Variants in TSHZ2 observed in about 807,000 individuals in gnomAD.
The protein encoded by TSHZ2 is teashirt homolog 2.
In TSHZ2, 21 loss-of-function variants were observed where a neutral mutation model predicts 74.4. The observed-to-expected ratio is 0.28, with a 90% CI of 0.20 to 0.41. The LOEUF (loss-of-function observed/expected upper bound fraction) is 0.41. Among genes scored for constraint, TSHZ2 ranks in the 10% least tolerant of loss-of-function variants. TSHZ2 has a pLI of 1.00. For missense variants in TSHZ2, 1,244 were observed against 1,293.5 expected, an observed-to-expected ratio of 0.96 and a Z score of 0.59; for synonymous variants, 540 against 515.3, an observed-to-expected ratio of 1.05 and a Z score of -0.65.
chr20:53,000,801 T>C (rs975049037), intron 1 of TSHZ2, among the ~76,000 whole-genome samples: 1 of 152,200 alleles, frequency 6.6e-6, no homozygotes, highest in African/African-American at 2.4e-5. Context: ...TTTTCAGGAC[T>C]TTTTGATCTC....
intron 1 of TSHZ2, among the ~76,000 whole-genome samples, chr20:53,132,107 T>C (rs932385912): frequency 2.0e-5 from 3 of 152,060 alleles, no homozygotes; most frequent in Non-Finnish European, 4.4e-5. Flanking sequence ...GAAAATGTAA[T>C]GATCAATCTG....
intron 1 of TSHZ2, among the ~76,000 whole-genome samples, chr20:52,974,229 C>T (rs1384860173): frequency 1.3e-5 from 2 of 151,994 alleles, no homozygotes; most frequent in Non-Finnish European, 2.9e-5. Flanking sequence ...TCTGCCAGAC[C>T]CACCCACTGA....
intron 1 of TSHZ2, among the ~76,000 whole-genome samples, chr20:53,055,141 T>C (rs1230912177): frequency 3.9e-5 from 6 of 152,188 alleles, no homozygotes; most frequent in African/African-American, 1.4e-4. Flanking sequence ...AAAAAGCAAA[T>C]GAACAGGTCT....
intron 1 of TSHZ2, among the ~76,000 whole-genome samples, chr20:53,047,906 A>T (rs1264632147): frequency 1.3e-5 from 2 of 152,142 alleles, no homozygotes; most frequent in African/African-American, 4.8e-5. Context: ...GACTCTGAAA[A>T]CAGCCCTGCA....
intron 2 of TSHZ2, among the ~76,000 whole-genome samples, chr20:53,483,764 A>G (rs529140749): frequency 3.9e-5 from 6 of 152,168 alleles, no homozygotes; most frequent in Admixed American, 1.3e-4. Flanking sequence ...GTGAATTTCC[A>G]AGACAGGAAC....
chr20:53,098,439 T>A (rs1463982388), intron 1 of TSHZ2, among the ~76,000 whole-genome samples: 1 of 152,242 alleles, frequency 6.6e-6, no homozygotes, highest in Non-Finnish European at 1.5e-5. Flanking sequence ...TTATTCATTA[T>A]TCAACTCATT....
intron 1 of TSHZ2, among the ~76,000 whole-genome samples, chr20:53,203,656 G>A (rs905793146): frequency 6.6e-6 from 1 of 152,156 alleles, no homozygotes; most frequent in South Asian, 2.1e-4. Context: ...CCAGCCAAGG[G>A]TGCCAGGTGG....
chr20:53,375,846 G>A (rs1981639076), intron 2 of TSHZ2, among the ~76,000 whole-genome samples: 1 of 152,218 alleles, frequency 6.6e-6, no homozygotes, highest in Non-Finnish European at 1.5e-5. Flanking sequence ...TTTGAAAACA[G>A]TAGTTCTGGG....
intron 2 of TSHZ2, among the ~76,000 whole-genome samples, chr20:53,330,690 A>G (rs1461051763): frequency 1.3e-5 from 2 of 152,176 alleles, no homozygotes; most frequent in Admixed American, 6.5e-5. Flanking sequence ...AAAAAAGAAA[A>G]AGAAAGACAG....
At chr20:53,154,289 CA>C (rs997663741) in intron 1 of TSHZ2, among the ~76,000 whole-genome samples, 14 of 150,276 alleles carry the variant, frequency 9.3e-5, no homozygotes, top group African/African-American at 2.9e-4. Context: ...CCTAAGTGAC[CA>C]AAAAAAATTT....
rs1018975270 is a variant in TSHZ2, at chr20:52,980,025, C to T, written c.40+6692C>T. ...AATTTCAATATCCTCCTACCTGCTA[C>T]CCCAGCCTGAAGCAGGGACTAATGA... On this transcript the variant is annotated intron_variant, in intron 1 of 2. Coordinates refer to ENST00000371497, the MANE Select transcript of TSHZ2 (RefSeq NM_173485.6). Among the ~76,000 whole-genome samples the T allele has an allele frequency of 7.9e-5, 12 of 152,326 alleles. No homozygotes were observed. In the East Asian group the frequency reaches 2.3e-3, roughly 29 times the overall value.
intron 1 of TSHZ2, among the ~76,000 whole-genome samples, chr20:53,042,600 C>T (rs913245073): frequency 1.3e-5 from 2 of 151,454 alleles, no homozygotes; most frequent in African/African-American, 2.4e-5. Flanking sequence ...ACTCAAATTT[C>T]GAGTTCTTTC....
intron 1 of TSHZ2, among the ~76,000 whole-genome samples, chr20:53,094,912 C>T (rs899129891): frequency 6.6e-6 from 1 of 152,184 alleles, no homozygotes; most frequent in Non-Finnish European, 1.5e-5. Flanking sequence ...ATGAAATCTC[C>T]TGTAAATAAT....
In TSHZ2 at chr20:53,256,352, G is replaced by T. The variant is rs1302861198; in HGVS notation, c.2894G>T (p.Ser965Ile). ...ACCCGCTTGTCAGTGGACCAGCAAA[G>T]CAAGGTGGAGCAAGAGATCTCCCGG... ...DMTRLSVDQQ[S>I]KVEQEISRVS... is the part of the protein sequence containing the mutation. The change falls in exon 2 of 3, where the codon AGC becomes ATC. Residue 965 changes from serine (S) to isoleucine (I), a missense_variant. Ser to Ile is a moderately radical substitution (Grantham distance 142, BLOSUM62 -2). Coordinates refer to ENST00000371497, the MANE Select transcript of TSHZ2 (RefSeq NM_173485.6). This position sits in a 1 kb window ranked among gnomAD's most constrained non-coding sequence, Gnocchi z 4.3. The T allele has an allele frequency of 2.5e-6, 4 of 1,613,338 alleles. No individual in the cohort carries two copies. The highest frequency in any genetic ancestry group is 1.3e-5 in the African/African-American group (1 of 74,902).
intron 2 of TSHZ2, among the ~76,000 whole-genome samples, chr20:53,403,654 G>T (rs1982749254): frequency 1.3e-5 from 2 of 152,220 alleles, no homozygotes; most frequent in African/African-American, 4.8e-5. Context: ...TGCCAATGTG[G>T]CTGCTCACAC....
chr20:53,393,330 A>C (rs1379580048), intron 2 of TSHZ2, among the ~76,000 whole-genome samples: 4 of 152,192 alleles, frequency 2.6e-5, no homozygotes, highest in Non-Finnish European at 5.9e-5. Flanking sequence ...CCAACATAAA[A>C]TTATTAAAAG....
intron 1 of TSHZ2, among the ~76,000 whole-genome samples, chr20:53,095,012 T>C (rs1334230783): frequency 3.3e-5 from 5 of 152,158 alleles, no homozygotes; most frequent in African/African-American, 1.2e-4. Context: ...GTGAAAGGTG[T>C]ATAAGGTAAG....
intron 1 of TSHZ2, among the ~76,000 whole-genome samples, chr20:53,109,843 T>C (rs1334181530): frequency 6.6e-6 from 1 of 152,164 alleles, no homozygotes. Flanking sequence ...CTTCCTCCAA[T>C]GACCCAGTAA....
At chr20:53,472,388 G>T (rs1031682811) in intron 2 of TSHZ2, among the ~76,000 whole-genome samples, 2 of 152,142 alleles carry the variant, frequency 1.3e-5, no homozygotes, top group African/African-American at 4.8e-5. Context: ...AAAGACGACC[G>T]AACTTTCTGG....
Sources: gnomAD v4.1 joint callset for allele counts (sites outside exome capture counted in the v4.1 genomes callset) on GRCh38, gnomAD v4.1.1 for gene constraint, Gnocchi (gnomAD v3.1) non-coding constraint, MANE v1.5 for transcripts, NCBI Gene and HGNC (gene_info 2026-07-23, HGNC 2026-07-21) for gene names.